Variants in PDE8B observed in about 807,000 individuals in gnomAD.
PDE8B encodes the protein phosphodiesterase 8B.
In PDE8B, 26 loss-of-function variants were observed where a neutral mutation model predicts 101.3. That is an observed-to-expected ratio of 0.26 (90% CI 0.19 to 0.36). The LOEUF (loss-of-function observed/expected upper bound fraction) is 0.36, where lower values mean the gene tolerates loss of function less well. PDE8B is among the 10% of genes least tolerant of loss of function. PDE8B has a pLI of 1.00. For synonymous variants in PDE8B, 424 were observed against 429.3 expected (o/e 0.99, Z 0.15); for missense variants, 810 against 1,163.1 (o/e 0.70, Z 4.42).
the PDE8B span, among the ~76,000 whole-genome samples, chr5:77,170,193 A>G: frequency 1.3e-5 from 2 of 152,200 alleles, no homozygotes; most frequent in Non-Finnish European, 2.9e-5. Context: ...TTTTTAAACC[A>G]AAGGAAGCAT....
the PDE8B span, chr5:77,146,708 G>T: frequency 3.1e-6 from 1 of 317,954 alleles, no homozygotes; most frequent in Non-Finnish European, 6.2e-6. Context: ...GCTCAGAGAG[G>T]TGCAAGACCA....
rs890232057 is a variant in PDE8B, at chr5:77,258,277, G to A, written c.339+47013G>A. On this transcript the variant is annotated intron_variant, in intron 1 of 21. Coordinates refer to ENST00000264917, the MANE Select transcript of PDE8B (RefSeq NM_003719.5). ...GCACATCAGCCTGGGTGACAAAAGC[G>A]AGACTCCATCTCAAAAAAAAAAAAA... Among the ~76,000 whole-genome samples, 5 of 128,408 alleles carry A rather than the reference G, an allele frequency of 3.9e-5. No homozygotes were observed. The South Asian group carries it at 1.5e-3, about 38-fold the overall frequency. 84.2% of individuals were successfully genotyped at this position (128,408 alleles called of 152,430 possible).
intron 1 of PDE8B, among the ~76,000 whole-genome samples, chr5:77,269,740 A>G (rs982804423): frequency 3.3e-5 from 5 of 152,104 alleles, no homozygotes; most frequent in Non-Finnish European, 5.9e-5. Context: ...TCCTTTCTTC[A>G]ATATATATTC....
At chr5:77,349,280 C>T (rs1780668620) in intron 7 of PDE8B, 139 bp from the exon 8 acceptor site, 2 of 1,103,222 alleles carry the variant, frequency 1.8e-6, no homozygotes, top group Non-Finnish European at 2.7e-6. Flanking sequence ...CAGCTAACTG[C>T]ATTAGAGAAT....
At chr5:77,149,981 C>T in the PDE8B span, among the ~76,000 whole-genome samples, 8 of 152,124 alleles carry the variant, frequency 5.3e-5, no homozygotes, top group African/African-American at 9.7e-5. Context: ...TCCCTACATT[C>T]GGACACAATA....
At chr5:77,213,225 A>G (rs1464896917) in intron 1 of PDE8B, among the ~76,000 whole-genome samples, 2 of 152,226 alleles carry the variant, frequency 1.3e-5, no homozygotes, top group South Asian at 2.1e-4. Flanking sequence ...AGTTTAACTC[A>G]TTTTGCTTTA....
At chr5:77,146,354 TGTG>T in the PDE8B span, 1 of 150,134 alleles carries the variant, frequency 6.7e-6, no homozygotes, top group Non-Finnish European at 1.5e-5. Flanking sequence ...GTTTCACCCT[TGTG>T]GGATCTCGCC....
At chr5:77,261,678 C>G (rs1253299933) in intron 1 of PDE8B, among the ~76,000 whole-genome samples, 3 of 152,234 alleles carry the variant, frequency 2.0e-5, no homozygotes, top group Non-Finnish European at 2.9e-5. Context: ...GCTCTCCACA[C>G]TAGACCTGTG....
the PDE8B span, among the ~76,000 whole-genome samples, chr5:77,172,874 C>T: frequency 6.6e-6 from 1 of 152,166 alleles, no homozygotes; most frequent in African/African-American, 2.4e-5. Flanking sequence ...GGCTTCCATC[C>T]CTCCACCAGC....
chr5:77,117,020 T>C, the PDE8B span, among the ~76,000 whole-genome samples: 1 of 152,232 alleles, frequency 6.6e-6, no homozygotes, highest in African/African-American at 2.4e-5. Context: ...CATTTCTGCC[T>C]CTGGCCTTTT....
At chr5:77,410,957 G>A (rs1008445454) in intron 14 of PDE8B, 1 of 152,328 alleles carries the variant, frequency 6.6e-6, no homozygotes, top group East Asian at 1.9e-4. Context: ...TTTAAGCAAA[G>A]ATCTAGATGA....
At chr5:77,195,401 CT>C in the PDE8B span, among the ~76,000 whole-genome samples, 1 of 152,194 alleles carries the variant, frequency 6.6e-6, no homozygotes, top group Non-Finnish European at 1.5e-5. Context: ...TACCATTTTA[CT>C]TTCCCAACAG....
At chr5:77,291,384 G>A (rs1767306608) in intron 1 of PDE8B, 1 of 1,611,770 alleles carries the variant, frequency 6.2e-7, no homozygotes, top group Non-Finnish European at 8.5e-7. Context: ...TGGGGGCAAG[G>A]TTATGGATCG....
intron 8 of PDE8B, 116 bp from the exon 9 acceptor site, chr5:77,350,949 T>C (rs1780993164): frequency 2.6e-6 from 2 of 778,366 alleles, no homozygotes; most frequent in South Asian, 1.4e-5. Context: ...ACAGCAGGCA[T>C]TGGGAAATGT....
chr5:77,155,225 A>G, the PDE8B span, among the ~76,000 whole-genome samples: 2 of 152,202 alleles, frequency 1.3e-5, no homozygotes, highest in African/African-American at 4.8e-5. Flanking sequence ...GAGAAAAATG[A>G]GAAGGGAGAA....
At chr5:77,305,283 C>G (rs756694810) in intron 1 of PDE8B, among the ~76,000 whole-genome samples, 1 of 152,136 alleles carries the variant, frequency 6.6e-6, no homozygotes, top group Non-Finnish European at 1.5e-5. Context: ...TTGAGAACTT[C>G]TAGACCAGAG....
At chr5:77,365,030 A>G (rs1783861010) in intron 10 of PDE8B, among the ~76,000 whole-genome samples, 1 of 152,150 alleles carries the variant, frequency 6.6e-6, no homozygotes, top group Admixed American at 6.5e-5. Context: ...GGAACACTGG[A>G]CCTGTCTGAT....
At chr5:77,111,426 T>A in the PDE8B span, among the ~76,000 whole-genome samples, 348 of 152,312 alleles carry the variant, frequency 2.3e-3, no homozygotes, top group Admixed American at 4.3e-3. Context: ...GTGGAAGATA[T>A]CCATATTCAA....
the PDE8B span, among the ~76,000 whole-genome samples, chr5:77,137,133 C>A: frequency 4.8e-4 from 73 of 152,144 alleles, no homozygotes; most frequent in Admixed American, 3.9e-4. Flanking sequence ...TTGTGATGTG[C>A]GCTTCTGTTT....
Sources: gnomAD v4.1 joint callset for allele counts (sites outside exome capture counted in the v4.1 genomes callset) on GRCh38, gnomAD v4.1.1 for gene constraint, MANE v1.5 for transcripts, NCBI Gene and HGNC (gene_info 2026-07-23, HGNC 2026-07-21) for gene names.